Variants in SCFD2 observed in about 807,000 individuals in gnomAD.
SCFD2 encodes the protein sec1 family domain containing 2.
A neutral mutation model predicts 58.9 loss-of-function variants in SCFD2; 54 were observed. The ratio of observed to expected loss-of-function variants is 0.92; its 90% CI spans 0.74 to 1.15. SCFD2 has a LOEUF of 1.15. Among genes scored for constraint, SCFD2 ranks in the 50% most tolerant of loss-of-function variants. The probability of loss-of-function intolerance (pLI) is 0.00; values close to 1 mark genes in which losing one functional copy is unlikely to be tolerated. For missense variants in SCFD2, 805 were observed against 836.6 expected (o/e 0.96, Z 0.47); for synonymous variants, 321 against 335.9 (o/e 0.96, Z 0.49).
At chr4:53,252,078 T>G (rs1730406621) in intron 4 of SCFD2, among the ~76,000 whole-genome samples, 1 of 150,752 alleles carries the variant, frequency 6.6e-6, no homozygotes, top group Non-Finnish European at 1.5e-5. Flanking sequence ...CAAGCATTCT[T>G]ATACACCAAT....
At chr4:52,902,679 T>G (rs1197829716) in intron 7 of SCFD2, among the ~76,000 whole-genome samples, 1 of 152,194 alleles carries the variant, frequency 6.6e-6, no homozygotes, top group Non-Finnish European at 1.5e-5. Context: ...CTGTTCTGAG[T>G]GCTTTATATG....
chr4:52,907,367 G>A, intron 7 of SCFD2, 90 bp downstream of exon 7: 1 of 1,274,086 alleles, frequency 7.8e-7, no homozygotes, highest in Non-Finnish European at 1.1e-6. Context: ...TCTGTATGGT[G>A]CTGGCTAGGG....
chr4:53,248,260 C>CT (rs1560409622), intron 4 of SCFD2, among the ~76,000 whole-genome samples: 1 of 152,206 alleles, frequency 6.6e-6, no homozygotes, highest in East Asian at 1.9e-4. Context: ...CCGCACCTGG[C>CT]TTGGAGGGTC....
intron 5 of SCFD2, among the ~76,000 whole-genome samples, chr4:53,097,662 G>C (rs116807004): frequency 0.012 from 1,761 of 152,242 alleles, 18 homozygotes; most frequent in Middle Eastern, 0.034. Context: ...TGTCTGCAAA[G>C]AGAGACAATT....
chr4:53,161,236 G>C (rs1024538580), intron 4 of SCFD2, among the ~76,000 whole-genome samples: 18 of 152,142 alleles, frequency 1.2e-4, no homozygotes, highest in African/African-American at 4.3e-4. Flanking sequence ...TTACACAGCT[G>C]TCTTCAGTTA....
chr4:53,029,510 C>G (rs1722563579), intron 5 of SCFD2, among the ~76,000 whole-genome samples: 1 of 152,206 alleles, frequency 6.6e-6, no homozygotes, highest in African/African-American at 2.4e-5. Context: ...GTTTCTATAA[C>G]TTGAATTTAA....
At chr4:53,287,048 T>C (rs1731689561) in intron 3 of SCFD2, among the ~76,000 whole-genome samples, 1 of 152,124 alleles carries the variant, frequency 6.6e-6, no homozygotes, top group Non-Finnish European at 1.5e-5. Flanking sequence ...CCTGGTGCCA[T>C]GACAGCTCTG....
chr4:52,911,516 ATTT>A (rs1347998576), intron 6 of SCFD2, among the ~76,000 whole-genome samples: 9 of 151,930 alleles, frequency 5.9e-5, no homozygotes, highest in Non-Finnish European at 1.0e-4. Flanking sequence ...TTTGTTTTTT[ATTT>A]TTTTAAGGTA....
At chr4:53,301,055 C>A (rs1732264889) in intron 3 of SCFD2, among the ~76,000 whole-genome samples, 2 of 152,164 alleles carry the variant, frequency 1.3e-5, no homozygotes, top group Admixed American at 1.3e-4. Flanking sequence ...GAAGCAAGAG[C>A]AAACACATTC....
At chr4:53,144,340 G>A (rs1043923910) in intron 5 of SCFD2, among the ~76,000 whole-genome samples, 5 of 150,112 alleles carry the variant, frequency 3.3e-5, no homozygotes, top group Non-Finnish European at 5.9e-5. Context: ...ATATGTGTGT[G>A]TATATGTAAG....
At chr4:52,917,248 G>A (rs1719631137) in intron 6 of SCFD2, among the ~76,000 whole-genome samples, 1 of 152,144 alleles carries the variant, frequency 6.6e-6, no homozygotes, top group Non-Finnish European at 1.5e-5. Flanking sequence ...CAAATCATTA[G>A]AGCATTTTTA....
At chr4:53,034,042 A>G (rs1722693020) in intron 5 of SCFD2, among the ~76,000 whole-genome samples, 1 of 152,238 alleles carries the variant, frequency 6.6e-6, no homozygotes, top group African/African-American at 2.4e-5. Flanking sequence ...ATCCCTGATG[A>G]ACATCGATGC....
At chr4:52,937,797 C>G (rs969110531) in intron 5 of SCFD2, among the ~76,000 whole-genome samples, 1 of 151,990 alleles carries the variant, frequency 6.6e-6, no homozygotes, top group African/African-American at 2.4e-5. Flanking sequence ...AGTGAGCTGG[C>G]AAGTGAAGGA....
intron 5 of SCFD2, among the ~76,000 whole-genome samples, chr4:53,020,349 G>C (rs953160333): frequency 1.3e-5 from 2 of 152,146 alleles, no homozygotes; most frequent in African/African-American, 4.8e-5. Flanking sequence ...GAGTTAATCG[G>C]TTACTGTTTC....
chr4:53,179,548 G>A (rs1462991118), intron 4 of SCFD2, among the ~76,000 whole-genome samples: 3 of 152,150 alleles, frequency 2.0e-5, no homozygotes, highest in African/African-American at 7.2e-5. Context: ...GCAAAAACAT[G>A]CCAAATTATA....
chr4:53,220,434 G>T (rs1182789171), intron 4 of SCFD2, among the ~76,000 whole-genome samples: 1 of 152,124 alleles, frequency 6.6e-6, no homozygotes, highest in Non-Finnish European at 1.5e-5. Flanking sequence ...CCTACCACAT[G>T]GAACAATTGA....
At chr4:52,985,948 G>A (rs887257339) in intron 5 of SCFD2, among the ~76,000 whole-genome samples, 10 of 152,006 alleles carry the variant, frequency 6.6e-5, no homozygotes, top group Non-Finnish European at 2.9e-5. Flanking sequence ...TTTAAGTGCT[G>A]AACAAATCGC....
chr4:53,301,947 T>C lies in SCFD2; in HGVS notation c.1135+11689A>G, dbSNP rs553406510. 2.7e-3 allele frequency among the ~76,000 whole-genome samples: 416 copies of C among 152,306 alleles called. 2 individuals are homozygous for C. The highest frequency in any genetic ancestry group is 3.0e-3 in the Non-Finnish European group (205 of 68,026). ...CAATAAATTAGGTATTGATGGGACGTATCTCAAAATAATAAGAGCTATCTA... is the reference window on the plus strand; with the variant it reads ...CAATAAATTAGGTATTGATGGGACGCATCTCAAAATAATAAGAGCTATCTA... On this transcript the variant is annotated intron_variant, in intron 3 of 8. Coordinates refer to ENST00000401642, the MANE Select transcript of SCFD2 (RefSeq NM_152540.4).
intron 4 of SCFD2, among the ~76,000 whole-genome samples, chr4:53,207,973 C>T (rs1240504591): frequency 6.7e-6 from 1 of 149,658 alleles, no homozygotes; most frequent in Non-Finnish European, 1.5e-5. Context: ...TTTTTTTTCC[C>T]CCCATACAAA....
Sources: gnomAD v4.1 joint callset for allele counts (sites outside exome capture counted in the v4.1 genomes callset) on GRCh38, gnomAD v4.1.1 for gene constraint, MANE v1.5 for transcripts, NCBI Gene and HGNC (gene_info 2026-07-23, HGNC 2026-07-21) for gene names.